The following FFAR4 variants were observed in gnomAD, a reference collection of about 807,000 sequenced individuals.
FFAR4 encodes the protein G-protein coupled receptor 120.
A neutral mutation model predicts 27.0 loss-of-function variants in FFAR4; 19 were observed. The observed-to-expected ratio is 0.70, with a 90% CI of 0.49 to 1.03. The LOEUF is 1.03. Ranked by LOEUF, FFAR4 falls within the 50% of genes least tolerant of loss-of-function variation. The probability of loss-of-function intolerance (pLI) is 0.00; values close to 1 mark genes in which losing one functional copy is unlikely to be tolerated. For missense variants in FFAR4, 476 were observed against 479.0 expected (o/e 0.99, Z 0.06); for synonymous variants, 254 against 215.6 (o/e 1.18, Z -1.56).
At chr10:93,576,335 A>T (rs2058163890) in intron 2 of FFAR4, 116 bp downstream of exon 2, 2 of 1,013,808 alleles carry the variant, frequency 2.0e-6, no homozygotes, top group Admixed American at 3.8e-5. Flanking sequence ...CTCAATCTTG[A>T]TTCACTGCCC....
chr10:93,574,928 T>C (rs1231572021), intron 1 of FFAR4, among the ~76,000 whole-genome samples: 1 of 152,174 alleles, frequency 6.6e-6, no homozygotes, highest in African/African-American at 2.4e-5. Flanking sequence ...AACAGGTTTC[T>C]TTCCAGTCAC....
At chr10:93,575,221 A>G (rs2058156912) in intron 1 of FFAR4, among the ~76,000 whole-genome samples, 1 of 152,210 alleles carries the variant, frequency 6.6e-6, no homozygotes, top group Non-Finnish European at 1.5e-5. Context: ...TGTTTTCTAG[A>G]CAGTTTTGTT....
chr10:93,579,135 G>A lies in FFAR4; in HGVS notation c.696+2916G>A, dbSNP rs145546349. 3.9e-4 allele frequency: 625 copies of A among 1,612,666 alleles called. 1 individual carries two copies. Among genetic ancestry groups the A allele is most frequent in the Middle Eastern group, 2.6e-3 (16 of 6,056 alleles). ...GCACCTTGTGTCTAAACCCACAGCC[G>A]GCCTTCACTTCTCCCCATTACAGAC... is the stretch of plus-strand genomic sequence containing the variant. On this transcript the variant is annotated intron_variant, in intron 2 of 2. Transcript: ENST00000371481.
chr10:93,584,059 AG>A (rs67687051), intron 2 of FFAR4, among the ~76,000 whole-genome samples: 15,738 of 152,184 alleles, frequency 0.1, 950 homozygotes, highest in African/African-American at 0.16. Context: ...ATTCCTCTGC[AG>A]CCCACCCACC....
chr10:93,568,180 G>A (rs1247244489), intron 1 of FFAR4, among the ~76,000 whole-genome samples: 1 of 151,006 alleles, frequency 6.6e-6, no homozygotes, highest in Admixed American at 6.6e-5. Context: ...GTGGTTGCAG[G>A]GTTCGTGCGC....
Position 93,566,877 on chromosome 10 carries a change from G to C in FFAR4, c.157G>C (p.Val53Leu). ...AACCGTGCTGGTGCTCATCTTTGCA[G>C]TGTCGCTGCTGGGCAACGTGTGCGC... The part of the protein sequence containing the change: ...ETTVLVLIFA[V>L]SLLGNVCALV... Residue 53 changes from valine (V) to leucine (L), a missense_variant, in exon 1 of 3, where the codon GTG becomes CTG. Physicochemically the swap from Val to Leu is conservative, Grantham distance 32 (BLOSUM62 1). Transcript: ENST00000371481. 6.2e-7 allele frequency: 1 copy of C among 1,604,092 alleles called. No homozygotes were observed. Among genetic ancestry groups the C allele is most frequent in the Non-Finnish European group, 8.5e-7 (1 of 1,176,662 alleles).
chr10:93,587,196 C>T (rs1409227836), intron 2 of FFAR4, 24 bp from the exon 3 acceptor site: 7 of 1,594,914 alleles, frequency 4.4e-6, no homozygotes, highest in African/African-American at 1.3e-5. Flanking sequence ...CCTGTGGCTC[C>T]AGTCCTGTTT....
chr10:93,570,565 G>A (rs575115022), intron 1 of FFAR4, among the ~76,000 whole-genome samples: 3 of 152,078 alleles, frequency 2.0e-5, no homozygotes, highest in South Asian at 2.1e-4. Context: ...CAAACCACAC[G>A]CTGAGAGAAT....
At position 93,587,651 on chromosome 10, in the gene FFAR4, G is replaced by A; in HGVS notation, c.*42G>A. The A allele has an allele frequency of 6.3e-7, 1 of 1,578,972 alleles. No individual in the cohort carries two copies. Among genetic ancestry groups the A allele is most frequent in the Non-Finnish European group, 8.6e-7 (1 of 1,165,552 alleles). On this transcript the variant is annotated 3_prime_UTR_variant, in exon 3 of 3. Transcript: ENST00000371481. ...AGTTTCTCACACCTGGCGAGCTGTG[G>A]CATGCTTTTAAACAGAGTTCATTTC... is the stretch of plus-strand genomic sequence containing the variant.
chr10:93,581,168 A>C (rs1013644253), intron 2 of FFAR4, among the ~76,000 whole-genome samples: 19 of 152,228 alleles, frequency 1.2e-4, no homozygotes, highest in Non-Finnish European at 2.2e-4. Flanking sequence ...GCAGGGGCAT[A>C]TAAATATTTG....
In FFAR4 at chr10:93,587,167, C is replaced by A. The variant is rs192135856; in HGVS notation, c.697-53C>A. ...AACTCTTGGGCCCCTAACTCAAAAT[C>A]CCCAACAACCCTCGGTCACCTGTGG... is the stretch of plus-strand genomic sequence containing the variant. On this transcript the variant is annotated intron_variant, in intron 2 of 2. Transcript: ENST00000371481. 1,355 of 1,528,100 alleles carry A rather than the reference C, an allele frequency of 8.9e-4. 1 individual carries two copies. The highest frequency in any genetic ancestry group is 9.9e-4 in the South Asian group (80 of 81,012). 94.7% of individuals were successfully genotyped at this position (1,528,100 alleles called of 1,614,324 possible).
chr10:93,584,541 C>T (rs951089966), intron 2 of FFAR4, among the ~76,000 whole-genome samples: 3 of 152,186 alleles, frequency 2.0e-5, no homozygotes, highest in African/African-American at 4.8e-5. Context: ...GCCGGCCACA[C>T]GGAAGCCCTC....
Position 93,566,750 on chromosome 10 carries a change from C to A in FFAR4, c.30C>A (p.Gly10=). 1 of 1,602,564 alleles carries A rather than the reference C, an allele frequency of 6.2e-7. No individual in the cohort carries two copies. Among genetic ancestry groups the A allele is most frequent in the South Asian group, 1.1e-5 (1 of 90,368 alleles). The change falls in exon 1 of 3, where the codon GGC becomes GGA. Residue 10 remains glycine (G), a synonymous_variant. Transcript: ENST00000371481. ...CCCCTGAATGCGCGCGGGCAGCGGG[C>A]GACGCGCCCTTGCGCAGCCTGGAGC... The part of the protein sequence containing the change: MSPECARAA[G]DAPLRSLEQA...
chr10:93,583,248 A>T (rs1346425393), intron 2 of FFAR4, among the ~76,000 whole-genome samples: 2 of 69,988 alleles, frequency 2.9e-5, no homozygotes, highest in African/African-American at 2.5e-4. Context: ...TAAAAATACA[A>T]AAAAAAAAAA....
chr10:93,574,606 T>C (rs2058151792), intron 1 of FFAR4, among the ~76,000 whole-genome samples: 1 of 152,122 alleles, frequency 6.6e-6, no homozygotes, highest in South Asian at 2.1e-4. Context: ...AACAGGTTTC[T>C]GGCCGGGCAT....
chr10:93,576,373 A>AT (rs1222695911), intron 2 of FFAR4, among the ~76,000 whole-genome samples, 154 bp downstream of exon 2: 4 of 152,126 alleles, frequency 2.6e-5, no homozygotes, highest in South Asian at 2.1e-4. Context: ...GAAGGAGAGG[A>AT]TTTTTTTAGA....
At chr10:93,584,609 G>C (rs1453626308) in intron 2 of FFAR4, among the ~76,000 whole-genome samples, 3 of 152,118 alleles carry the variant, frequency 2.0e-5, no homozygotes, top group Non-Finnish European at 4.4e-5. Context: ...TGTTGCCCTG[G>C]TCTCCACCAT....
chr10:93,568,899 G>A (rs1025131429), intron 1 of FFAR4, among the ~76,000 whole-genome samples: 12 of 152,142 alleles, frequency 7.9e-5, no homozygotes, highest in African/African-American at 2.9e-4. Flanking sequence ...GCAAGCTTGT[G>A]GCCATGTCCA....
At chr10:93,572,078 C>T (rs1173282726) in intron 1 of FFAR4, among the ~76,000 whole-genome samples, 1 of 152,158 alleles carries the variant, frequency 6.6e-6, no homozygotes, top group Non-Finnish European at 1.5e-5. Flanking sequence ...GTCCTGAGCA[C>T]CTAATGTGTA....
Sources: allele counts gnomAD v4.1 joint callset (sites outside exome capture counted in the v4.1 genomes callset), GRCh38; gene constraint gnomAD v4.1.1; transcripts MANE v1.5; gene names NCBI Gene and HGNC (gene_info 2026-07-23, HGNC 2026-07-21).